PRR5L: variants seen among roughly 807,000 people sequenced by gnomAD.
PRR5L encodes proline rich 5 like.
A neutral mutation model predicts 36.4 loss-of-function variants in PRR5L; 21 were observed. The observed-to-expected ratio is 0.58, with a 90% CI of 0.41 to 0.83. PRR5L has a LOEUF of 0.83. PRR5L is among the 40% of genes least tolerant of loss of function. The pLI is 0.00. For synonymous variants in PRR5L, 188 were observed against 197.0 expected (o/e 0.95, Z 0.38); for missense variants, 381 against 473.3 (o/e 0.80, Z 1.81).
intron 8 of PRR5L, among the ~76,000 whole-genome samples, chr11:36,461,175 C>G (rs7111402): frequency 3.9e-5 from 6 of 152,150 alleles, no homozygotes; most frequent in African/African-American, 1.4e-4. Context: ...ATCTATATGA[C>G]CTTGGGTAAG....
chr11:36,446,666 C>T (rs75069090), intron 7 of PRR5L, among the ~76,000 whole-genome samples: 1 of 152,178 alleles, frequency 6.6e-6, no homozygotes, highest in Non-Finnish European at 1.5e-5. Context: ...CAGGACCACA[C>T]TGGGGAGTGA....
intron 1 of PRR5L, among the ~76,000 whole-genome samples, chr11:36,314,021 T>C (rs1375558096): frequency 6.6e-6 from 1 of 152,220 alleles, no homozygotes; most frequent in African/African-American, 2.4e-5. Context: ...ATTTCTCTGA[T>C]GTAAAATGGT....
At chr11:36,388,690 C>CT (rs1857500778) in intron 1 of PRR5L, among the ~76,000 whole-genome samples, 2 of 95,154 alleles carry the variant, frequency 2.1e-5, no homozygotes, top group Non-Finnish European at 4.6e-5. Flanking sequence ...AAGGTCGGCT[C>CT]TTTCTTTCTT....
At chr11:36,389,197 G>C (rs1590520818) in intron 1 of PRR5L, among the ~76,000 whole-genome samples, 1 of 152,000 alleles carries the variant, frequency 6.6e-6, no homozygotes, top group African/African-American at 2.4e-5. Flanking sequence ...GTTGGTCAGA[G>C]GGTATGGCCT....
rs147378733 is a variant in PRR5L at position 36,327,934 on chromosome 11, T to C, written c.-126+31496T>C. ...ACTGATTGATGTCTGCCTGTAGCAT[T>C]TTCCAAAATCGAGCTGTAACCCAAT... On this transcript the variant is annotated intron_variant, in intron 1 of 8. Coordinates refer to ENST00000530639, the MANE Select transcript of PRR5L (RefSeq NM_001160167.2). Among the ~76,000 whole-genome samples, 18 of 152,342 alleles carry C rather than the reference T, an allele frequency of 1.2e-4. No individual in the cohort carries two copies. In the East Asian group the frequency reaches 2.1e-3, roughly 18 times the overall value.
chr11:36,462,689 A>G lies in PRR5L; in HGVS notation c.1060A>G (p.Arg354Gly), dbSNP rs1321536457. The G allele has an allele frequency of 2.5e-6, 4 of 1,601,184 alleles. No individual in the cohort carries two copies. The African/African-American group carries it at 5.3e-5, about 21-fold the overall frequency. ...CCCTGACGGACTGGAGGAGGGGGCC[A>G]GGGGCAGCCAGGAGGGCTCGGAGCT... is the stretch of plus-strand genomic sequence containing the variant. ...DNPDGLEEGA[R>G]GSQEGSELNC... Residue 354 changes from arginine to glycine, a missense_variant, in exon 9 of 9, where the codon AGG becomes GGG. By Grantham distance (125) the Arg-to-Gly change is moderately radical (BLOSUM62 -2). Coordinates refer to ENST00000530639, the MANE Select transcript of PRR5L (RefSeq NM_001160167.2).
At chr11:36,403,238 C>T in intron 2 of PRR5L, 60 bp from the exon 3 acceptor site, 1 of 1,452,812 alleles carries the variant, frequency 6.9e-7, no homozygotes, top group South Asian at 1.1e-5. Context: ...CCCTGAGCTG[C>T]TATTGAAATG....
intron 1 of PRR5L, among the ~76,000 whole-genome samples, chr11:36,340,644 A>T (rs1305487374): frequency 6.6e-6 from 1 of 152,110 alleles, no homozygotes; most frequent in Non-Finnish European, 1.5e-5. Context: ...GAAGCTCTGC[A>T]CTGTTACCTC....
At chr11:36,441,060 G>A (rs930688764) in intron 6 of PRR5L, among the ~76,000 whole-genome samples, 1 of 152,142 alleles carries the variant, frequency 6.6e-6, no homozygotes. Flanking sequence ...ATTTCAACAC[G>A]ACGTTTGGAG....
At position 36,454,687 on chromosome 11, in the gene PRR5L, G is replaced by A. The variant is rs187797585; in HGVS notation, c.712+3352G>A. The A allele has an allele frequency of 7.9e-4, 120 of 152,426 alleles. 1 individual carries two copies. The highest frequency in any genetic ancestry group is 2.6e-3 in the African/African-American group (110 of 41,590). 9.4% of individuals were successfully genotyped at this position (152,426 alleles called of 1,614,324 possible). On this transcript the variant is annotated intron_variant, in intron 8 of 8. Coordinates refer to ENST00000530639, the MANE Select transcript of PRR5L (RefSeq NM_001160167.2). ...CTTTCAGTCTCCAGGTCACCCGCAG[G>A]GTAGGTGACCAGAGCCAGAGAAGCG... is the stretch of plus-strand genomic sequence containing the variant.
intron 1 of PRR5L, among the ~76,000 whole-genome samples, chr11:36,364,567 T>A (rs1857125443): frequency 6.6e-6 from 1 of 152,222 alleles, no homozygotes; most frequent in South Asian, 2.1e-4. Flanking sequence ...TAGTGCCTGG[T>A]GCTTAGCTTA....
At chr11:36,416,218 C>G (rs369903037) in intron 3 of PRR5L, among the ~76,000 whole-genome samples, 3 of 152,074 alleles carry the variant, frequency 2.0e-5, no homozygotes, top group African/African-American at 7.2e-5. Flanking sequence ...CCTGTCTAAC[C>G]ATGTTATCAT....
chr11:36,424,558 G>C (rs1239426308), intron 4 of PRR5L, among the ~76,000 whole-genome samples: 2 of 152,236 alleles, frequency 1.3e-5, no homozygotes, highest in Non-Finnish European at 1.5e-5. Context: ...TAGAAACTGA[G>C]TTGGAAGCGT....
chr11:36,457,085 T>C (rs540102817), intron 8 of PRR5L, among the ~76,000 whole-genome samples: 53 of 152,290 alleles, frequency 3.5e-4, no homozygotes, highest in Admixed American at 3.4e-3. Flanking sequence ...CCCTGGCTCA[T>C]CCCAGTGGGC....
At chr11:36,417,929 G>A (rs1858181069) in intron 3 of PRR5L, among the ~76,000 whole-genome samples, 1 of 152,216 alleles carries the variant, frequency 6.6e-6, no homozygotes, top group South Asian at 2.1e-4. Context: ...TGGGGAGCCA[G>A]TTATTCTTGC....
At chr11:36,326,498 T>C (rs1856664326) in intron 1 of PRR5L, among the ~76,000 whole-genome samples, 1 of 150,514 alleles carries the variant, frequency 6.6e-6, no homozygotes, top group Admixed American at 6.6e-5. Flanking sequence ...AAACCAAAAT[T>C]ACATTTGATT....
intron 1 of PRR5L, chr11:36,376,480 A>G: frequency 9.1e-7 from 1 of 1,096,604 alleles, no homozygotes; most frequent in South Asian, 2.2e-5. Context: ...CCGAGGCTGG[A>G]CGGGACCCCA....
intron 1 of PRR5L, among the ~76,000 whole-genome samples, chr11:36,300,727 C>T (rs1459314301): frequency 6.6e-6 from 1 of 152,120 alleles, no homozygotes; most frequent in Non-Finnish European, 1.5e-5. Context: ...TGTCATTGCC[C>T]ATTCTTCCTT....
chr11:36,325,246 G>T (rs1000513562), intron 1 of PRR5L, among the ~76,000 whole-genome samples: 3 of 152,240 alleles, frequency 2.0e-5, no homozygotes, highest in African/African-American at 7.2e-5. Context: ...GTGCAGGAAT[G>T]ATGGCAAGCC....
Sources: gnomAD v4.1 joint callset for allele counts (sites outside exome capture counted in the v4.1 genomes callset) on GRCh38, gnomAD v4.1.1 for gene constraint, MANE v1.5 for transcripts, NCBI Gene and HGNC (gene_info 2026-07-23, HGNC 2026-07-21) for gene names.